The following HTT-AS variants were observed in gnomAD, a reference collection of about 807,000 sequenced individuals.
The protein encoded by HTT-AS is HTT antisense RNA (head to head).
At chr4:3,057,944 TA>T (rs1041710839) in intron 2 of HTT-AS, among the ~76,000 whole-genome samples, 13 of 151,888 alleles carry the variant, frequency 8.6e-5, no homozygotes, top group Non-Finnish European at 1.6e-4. Context: ...GATTATATGC[TA>T]AACAAGAGGT....
At chr4:3,046,924 G>T (rs1307799609), downstream of HTT-AS, among the ~76,000 whole-genome samples, 2 of 152,146 alleles carry the variant, frequency 1.3e-5, no homozygotes, top group African/African-American at 4.8e-5. Context: ...TCTCACTTAG[G>T]TGAGTGTGGG....
intron 2 of HTT-AS, among the ~76,000 whole-genome samples, chr4:3,059,581 G>C (rs906663721): frequency 6.6e-6 from 1 of 151,954 alleles, no homozygotes; most frequent in African/African-American, 2.4e-5. Context: ...GGACATTGAG[G>C]TTGTTTCATT....
chr4:3,046,590 CA>C (rs2110118903), downstream of HTT-AS, among the ~76,000 whole-genome samples: 1 of 152,206 alleles, frequency 6.6e-6, no homozygotes, highest in East Asian at 1.9e-4. Flanking sequence ...AGAGATTGAC[CA>C]AAACTTTAGT....
chr4:3,063,065 C>T (rs1463584053), exon 2 of HTT-AS, among the ~76,000 whole-genome samples: 1 of 152,102 alleles, frequency 6.6e-6, no homozygotes, highest in Non-Finnish European at 1.5e-5. Context: ...GGAGACACGA[C>T]GTAGCCTTCA....
intron 2 of HTT-AS, among the ~76,000 whole-genome samples, chr4:3,058,070 T>A (rs1410569785): frequency 6.6e-6 from 1 of 150,798 alleles, no homozygotes; most frequent in African/African-American, 2.4e-5. Flanking sequence ...CTCACGCCTG[T>A]AATCCCAGCA....
downstream of HTT-AS, among the ~76,000 whole-genome samples, chr4:3,047,655 A>G (rs1411401921): frequency 6.6e-6 from 1 of 152,132 alleles, no homozygotes; most frequent in South Asian, 2.1e-4. Flanking sequence ...CCCTTTGGCC[A>G]GGGGAGAGGG....
In HTT-AS at chr4:3,061,986, TAAAAAAA is replaced by T. The variant is rs548695397; in HGVS notation, n.1380+441_1380+447del. ...GACAGGGCAAGACTCTATCTCAAATTAAAAAAAAAAAAAAAAAAAAAAAAAAAGAGAG... is the reference window on the plus strand; with the variant it reads ...GACAGGGCAAGACTCTATCTCAAATTAAAAAAAAAAAAAAAAAAAAGAGAG... On this transcript the variant is annotated intron_variant and non_coding_transcript_variant, in intron 2 of 2. Coordinates refer to ENST00000664062, the Ensembl canonical transcript of HTT-AS. Among the ~76,000 whole-genome samples the T allele has an allele frequency of 4.4e-3, 282 of 63,414 alleles. 1 individual carries two copies. The highest frequency in any genetic ancestry group is 0.013 in the African/African-American group (254 of 19,138). 41.6% of individuals were successfully genotyped at this position (63,414 alleles called of 152,430 possible).
At chr4:3,049,912 A>T (rs1424692438) in intron 2 of HTT-AS, among the ~76,000 whole-genome samples, 50 of 114,120 alleles carry the variant, frequency 4.4e-4, no homozygotes, top group African/African-American at 2.0e-3. Flanking sequence ...GTTATCACAC[A>T]CACACACACA....
chr4:3,065,377 A>T (rs902693007), intron 1 of HTT-AS, among the ~76,000 whole-genome samples: 3 of 151,936 alleles, frequency 2.0e-5, no homozygotes, highest in Non-Finnish European at 4.4e-5. Flanking sequence ...AGTAGCTGGG[A>T]CTACAGGCGC....
Position 3,051,030 on chromosome 4 carries a change from TTGTGTGTGTG to T in HTT-AS, n.1381-1342_1381-1333del, listed in dbSNP as rs59615689. 2.3e-3 allele frequency among the ~76,000 whole-genome samples: 282 copies of T among 122,552 alleles called. 1 individual carries two copies. The highest frequency in any genetic ancestry group is 7.0e-3 in the African/African-American group (222 of 31,780). The allele number at this position is 122,552 out of a possible 152,430, so 80.4% of individuals were successfully genotyped here. The stretch of plus-strand genomic sequence containing the variant: ...TAAACCTTTTATAATCCCTTACAAT[TTGTGTGTGTG>T]TGTGTGTGTGTGTGTGTGTGTGTGT... On this transcript the variant is annotated intron_variant and non_coding_transcript_variant, in intron 2 of 2. Transcript: ENST00000664062.
At chr4:3,065,239 TTTC>T (rs1428216287) in intron 1 of HTT-AS, among the ~76,000 whole-genome samples, 1 of 151,398 alleles carries the variant, frequency 6.6e-6, no homozygotes, top group African/African-American at 2.4e-5. Context: ...AGCTAGTTTC[TTTC>T]TTCTTTTTTT....
At position 3,067,831 on chromosome 4, in the gene HTT-AS, G is replaced by A. The variant is rs373243336; in HGVS notation, n.114-4131C>T. Reference sequence around the variant, plus strand: ...TTGCTAGGTTACCAAAGGGGACCTCGAGGGCCATCTGGCCAACAAGCAGAC... The same window carrying A: ...TTGCTAGGTTACCAAAGGGGACCTCAAGGGCCATCTGGCCAACAAGCAGAC... On this transcript the variant is annotated intron_variant and non_coding_transcript_variant, in intron 1 of 2. Coordinates refer to ENST00000664062, the Ensembl canonical transcript of HTT-AS. Among the ~76,000 whole-genome samples the A allele has an allele frequency of 3.9e-5, 6 of 152,250 alleles. No individual in the cohort carries two copies. The South Asian group carries it at 8.3e-4, about 21-fold the overall frequency.
At chr4:3,050,493 T>A (rs1476846718) in intron 2 of HTT-AS, among the ~76,000 whole-genome samples, 1 of 152,230 alleles carries the variant, frequency 6.6e-6, no homozygotes, top group African/African-American at 2.4e-5. Flanking sequence ...ATTCCAAGAC[T>A]GATTTTTAGG....
chr4:3,066,368 C>G (rs377283553), intron 1 of HTT-AS, among the ~76,000 whole-genome samples: 22 of 152,276 alleles, frequency 1.4e-4, no homozygotes, highest in African/African-American at 4.8e-4. Flanking sequence ...CGGGGTTTCA[C>G]CATGTTGGCC....
intron 1 of HTT-AS, among the ~76,000 whole-genome samples, chr4:3,065,429 A>C (rs1712028829): frequency 6.6e-6 from 1 of 151,990 alleles, no homozygotes; most frequent in Admixed American, 6.6e-5. Context: ...ATTTTAGTAG[A>C]GATGGGGTTT....
chr4:3,073,977 T>G, intron 1 of HTT-AS, among the ~76,000 whole-genome samples: 1 of 151,910 alleles, frequency 6.6e-6, no homozygotes, highest in Non-Finnish European at 1.5e-5. Context: ...CCTTTCCGCA[T>G]GGGCCTGCGC....
chr4:3,066,841 A>G (rs985221482), intron 1 of HTT-AS, among the ~76,000 whole-genome samples: 1 of 152,188 alleles, frequency 6.6e-6, no homozygotes, highest in African/African-American at 2.4e-5. Flanking sequence ...ATTACCAGGA[A>G]CGTGATATGA....
intron 2 of HTT-AS, among the ~76,000 whole-genome samples, chr4:3,051,901 C>G (rs1711711085): frequency 6.6e-6 from 1 of 152,122 alleles, no homozygotes; most frequent in South Asian, 2.1e-4. Flanking sequence ...AACAAAAAAA[C>G]TAGATGAGGT....
At chr4:3,063,202 T>C (rs1711978237) in exon 2 of HTT-AS, among the ~76,000 whole-genome samples, 1 of 152,208 alleles carries the variant, frequency 6.6e-6, no homozygotes, top group African/African-American at 2.4e-5. Context: ...GGGAGGGATA[T>C]GGATCAGGGA....
Sources: allele counts gnomAD v4.1 joint callset (sites outside exome capture counted in the v4.1 genomes callset), GRCh38; gene constraint gnomAD v4.1.1; transcripts MANE v1.5; gene names NCBI Gene and HGNC (gene_info 2026-07-23, HGNC 2026-07-21).